The following MAGI1 variants were observed in gnomAD, a reference collection of about 807,000 sequenced individuals.
The protein encoded by MAGI1 is membrane associated guanylate kinase, WW and PDZ domain containing 1, also known as membrane-associated guanylate kinase, WW and PDZ domain-containing protein 1.
A neutral mutation model predicts 139.9 loss-of-function variants in MAGI1; 58 were observed. The observed-to-expected ratio is 0.41, with a 90% CI of 0.34 to 0.52. The LOEUF is 0.52. Among genes scored for constraint, MAGI1 ranks in the 20% least tolerant of loss-of-function variants. The probability of loss-of-function intolerance (pLI) is 0.12; values close to 1 mark genes in which losing one functional copy is unlikely to be tolerated. For synonymous variants in MAGI1, 812 were observed against 737.9 expected, an observed-to-expected ratio of 1.10 and a Z score of -1.63; for missense variants, 1,874 against 1,901.6, an observed-to-expected ratio of 0.99 and a Z score of 0.27.
At chr3:65,957,768 G>GTT (rs2064208748) in intron 1 of MAGI1, among the ~76,000 whole-genome samples, 1 of 151,912 alleles carries the variant, frequency 6.6e-6, no homozygotes, top group African/African-American at 2.4e-5. Flanking sequence ...TGTTGTTGTT[G>GTT]TTGTTTTGTT....
At chr3:65,667,985 G>A (rs920226770) in intron 1 of MAGI1, among the ~76,000 whole-genome samples, 3 of 152,182 alleles carry the variant, frequency 2.0e-5, no homozygotes, top group African/African-American at 7.2e-5. Context: ...TAATGTTTCT[G>A]TTAATTTAAT....
intron 1 of MAGI1, among the ~76,000 whole-genome samples, chr3:65,746,755 A>C (rs1338576836): frequency 6.6e-6 from 1 of 152,216 alleles, no homozygotes; most frequent in East Asian, 1.9e-4. Flanking sequence ...TCACTGGTGA[A>C]TATCTGGAAA....
chr3:65,794,766 G>A (rs145506457), intron 1 of MAGI1, among the ~76,000 whole-genome samples: 9 of 151,340 alleles, frequency 5.9e-5, no homozygotes, highest in Non-Finnish European at 1.0e-4. Flanking sequence ...CATGGGCCTT[G>A]GTCTTTTTGA....
chr3:65,875,564 A>G (rs1244547431), intron 1 of MAGI1, among the ~76,000 whole-genome samples: 1 of 152,194 alleles, frequency 6.6e-6, no homozygotes, highest in East Asian at 1.9e-4. Flanking sequence ...GCACAGATCT[A>G]TTTGTAGCTC....
intron 12 of MAGI1, 136 bp from the exon 13 acceptor site, chr3:65,401,606 G>C: frequency 1.3e-6 from 2 of 1,551,060 alleles, no homozygotes; most frequent in Non-Finnish European, 1.7e-6. Flanking sequence ...TTTCTCCCCA[G>C]CATCGGAGTT....
chr3:65,714,641 G>GT (rs2031979407), intron 1 of MAGI1, among the ~76,000 whole-genome samples: 1 of 151,826 alleles, frequency 6.6e-6, no homozygotes, highest in Admixed American at 6.6e-5. Flanking sequence ...TGTAAGTAGG[G>GT]TTAAAAAAAA....
chr3:65,480,686 A>G (rs1280510442), intron 3 of MAGI1, among the ~76,000 whole-genome samples: 1 of 149,348 alleles, frequency 6.7e-6, no homozygotes, highest in Non-Finnish European at 1.5e-5. Context: ...CCCAGGTTCA[A>G]GCGATTCTCC....
At chr3:65,579,939 A>G (rs1576378329) in intron 2 of MAGI1, among the ~76,000 whole-genome samples, 1 of 151,984 alleles carries the variant, frequency 6.6e-6, no homozygotes, top group East Asian at 1.9e-4. Flanking sequence ...TTCATTAATT[A>G]CTGTATCTTT....
At chr3:65,881,427 G>A (rs2060324265) in intron 1 of MAGI1, among the ~76,000 whole-genome samples, 1 of 152,168 alleles carries the variant, frequency 6.6e-6, no homozygotes, top group South Asian at 2.1e-4. Context: ...AGGAGTCCAA[G>A]ACTAGGCTGG....
intron 2 of MAGI1, among the ~76,000 whole-genome samples, chr3:65,569,002 A>G (rs2080815100): frequency 6.6e-6 from 1 of 152,230 alleles, no homozygotes; most frequent in Non-Finnish European, 1.5e-5. Flanking sequence ...TGGCTCACAC[A>G]GTACTTTAAA....
chr3:65,907,323 T>C (rs1427404378), intron 1 of MAGI1, among the ~76,000 whole-genome samples: 1 of 152,240 alleles, frequency 6.6e-6, no homozygotes, highest in African/African-American at 2.4e-5. Context: ...GATTATCCTT[T>C]TCACAGGCTG....
At chr3:65,417,298 A>G (rs997490130) in intron 12 of MAGI1, among the ~76,000 whole-genome samples, 2 of 152,176 alleles carry the variant, frequency 1.3e-5, no homozygotes, top group African/African-American at 4.8e-5. Context: ...AAATCTGCAC[A>G]TCCTGCACAT....
At chr3:65,461,634 G>A (rs572548819) in intron 5 of MAGI1, among the ~76,000 whole-genome samples, 9 of 151,374 alleles carry the variant, frequency 5.9e-5, no homozygotes, top group Admixed American at 1.3e-4. Context: ...GACTACAGGC[G>A]CCCGCCACCA....
chr3:65,986,342 C>G (rs533936120), intron 1 of MAGI1, among the ~76,000 whole-genome samples: 5 of 152,042 alleles, frequency 3.3e-5, no homozygotes, highest in Admixed American at 6.6e-5. Context: ...CTATAAATAC[C>G]CTTACAACCT....
intron 10 of MAGI1, 81 bp downstream of exon 10, chr3:65,437,074 G>T: frequency 1.2e-6 from 1 of 842,864 alleles, no homozygotes; most frequent in Non-Finnish European, 1.8e-6. Context: ...GGAGTTACGA[G>T]ATTCCACTTT....
At chr3:65,387,893 T>C (rs903543944) in intron 14 of MAGI1, among the ~76,000 whole-genome samples, 3 of 152,364 alleles carry the variant, frequency 2.0e-5, no homozygotes, top group African/African-American at 7.2e-5. Context: ...TGTTGGTTAA[T>C]AGGACAGTTT....
chr3:65,737,905 G>C (rs1437214006), intron 1 of MAGI1, among the ~76,000 whole-genome samples: 1 of 152,080 alleles, frequency 6.6e-6, no homozygotes, highest in East Asian at 1.9e-4. Context: ...CACGCCATTA[G>C]CGCATTAAAC....
At chr3:65,844,206 G>A (rs1349401825) in intron 1 of MAGI1, 2 of 501,118 alleles carry the variant, frequency 4.0e-6, no homozygotes, top group Non-Finnish European at 7.9e-6. Context: ...GAACTTAAGA[G>A]TTTGGATATA....
chr3:65,394,284 A>G lies in MAGI1; in HGVS notation c.2200-2926T>C, dbSNP rs144144084. 3.3e-5 allele frequency among the ~76,000 whole-genome samples: 5 copies of G among 152,308 alleles called. No individual in the cohort carries two copies. The East Asian group carries it at 7.7e-4, about 24-fold the overall frequency. ...CCAATAAATGACTCATTTAGGTCCA[A>G]TTTAACACCAAATGACAGACACAAT... On this transcript the variant is annotated intron_variant, in intron 13 of 22. Coordinates refer to ENST00000402939, the MANE Select transcript of MAGI1 (RefSeq NM_001033057.2).
Sources: allele counts gnomAD v4.1 joint callset (sites outside exome capture counted in the v4.1 genomes callset), GRCh38; gene constraint gnomAD v4.1.1; transcripts MANE v1.5; gene names NCBI Gene and HGNC (gene_info 2026-07-23, HGNC 2026-07-21).